The following PCDHGA2 variants were observed in gnomAD, a reference collection of about 807,000 sequenced individuals.
PCDHGA2 encodes protocadherin gamma-A2.
Under a neutral mutation model 59.2 loss-of-function variants are expected in PCDHGA2, and 40 were observed. The ratio of observed to expected loss-of-function variants is 0.68; its 90% CI spans 0.52 to 0.88. PCDHGA2 has a LOEUF of 0.88. Among genes scored for constraint, PCDHGA2 ranks in the 40% least tolerant of loss-of-function variants. The probability of loss-of-function intolerance (pLI) is 0.00; values close to 1 mark genes in which losing one functional copy is unlikely to be tolerated. For synonymous variants in PCDHGA2, 560 were observed against 526.0 expected, an observed-to-expected ratio of 1.06 and a Z score of -0.89; for missense variants, 1,226 against 1,204.0, an observed-to-expected ratio of 1.02 and a Z score of -0.27.
chr5:141,379,623 A>G (rs1775713746), intron 1 of PCDHGA2: 1 of 152,198 alleles, frequency 6.6e-6, no homozygotes, highest in African/African-American at 2.4e-5. Flanking sequence ...AACAAATAAA[A>G]TATTTCTCTG....
chr5:141,428,546 A>C (rs1476382847), intron 1 of PCDHGA2: 1 of 263,642 alleles, frequency 3.8e-6, no homozygotes, highest in Non-Finnish European at 7.5e-6. Flanking sequence ...ATGACACCAG[A>C]AACAGTCCCC....
chr5:141,489,091 T>C lies in PCDHGA2; in HGVS notation c.2425-5716T>C. 1 of 333,052 alleles carries C rather than the reference T, an allele frequency of 3.0e-6. No individual in the cohort carries two copies. The highest frequency in any genetic ancestry group is 5.5e-6 in the Non-Finnish European group (1 of 181,380). 20.6% of individuals were successfully genotyped at this position (333,052 alleles called of 1,614,324 possible). On this transcript the variant is annotated intron_variant, in intron 1 of 3. Coordinates refer to ENST00000394576, the MANE Select transcript of PCDHGA2 (RefSeq NM_018915.4). This position sits in a 1 kb window ranked among gnomAD's most constrained non-coding sequence, Gnocchi z 4.5. ...CTGCCCACCCCCGCCACTCGGTGAC[T>C]AAGAACTGCTGCAAGCAGGCAAACC...
At chr5:141,409,325 G>A (rs2095255437) in intron 1 of PCDHGA2, 1 of 1,613,984 alleles carries the variant, frequency 6.2e-7, no homozygotes, top group Non-Finnish European at 8.5e-7. Context: ...ACGGGATCTG[G>A]ATTTCGGAGG....
At chr5:141,478,251 T>C in intron 1 of PCDHGA2, 1 of 1,614,072 alleles carries the variant, frequency 6.2e-7, no homozygotes, top group Non-Finnish European at 8.5e-7. Context: ...GTGTTCGGAG[T>C]AATCATATTC....
chr5:141,500,444 C>T (rs1032064705), intron 2 of PCDHGA2, among the ~76,000 whole-genome samples: 3 of 151,370 alleles, frequency 2.0e-5, no homozygotes, highest in African/African-American at 4.9e-5. Context: ...CTCCTGACCT[C>T]GTGATCCGCC....
intron 1 of PCDHGA2, chr5:141,351,679 C>T (rs548473707): frequency 6.2e-7 from 1 of 1,613,994 alleles, no homozygotes; most frequent in Non-Finnish European, 8.5e-7. Context: ...TAAGCGCCTC[C>T]GACCCGGATT....
chr5:141,371,914 T>C (rs1768185765), intron 1 of PCDHGA2: 1 of 1,613,262 alleles, frequency 6.2e-7, no homozygotes, highest in Admixed American at 1.7e-5. Context: ...TACGTGTCCG[T>C]GAGCGCGCGG....
chr5:141,503,598 CAAAA>C (rs765754054), intron 2 of PCDHGA2, among the ~76,000 whole-genome samples: 2 of 65,756 alleles, frequency 3.0e-5, no homozygotes. Flanking sequence ...GACTCCAGCT[CAAAA>C]AAAAAAAAAA....
chr5:141,464,200 G>C (rs1331779739), intron 1 of PCDHGA2, among the ~76,000 whole-genome samples: 1 of 149,856 alleles, frequency 6.7e-6, no homozygotes, highest in Non-Finnish European at 1.5e-5. Flanking sequence ...AGGAGGCGGA[G>C]ATTGCAGTGA....
intron 1 of PCDHGA2, among the ~76,000 whole-genome samples, chr5:141,481,593 G>A (rs575017133): frequency 1.3e-5 from 2 of 152,172 alleles, no homozygotes; most frequent in African/African-American, 2.4e-5. Context: ...TGAGGCCAGC[G>A]GATCACCTGA....
intron 1 of PCDHGA2, chr5:141,394,299 C>G: frequency 6.2e-7 from 1 of 1,614,002 alleles, no homozygotes; most frequent in Middle Eastern, 1.6e-4. Context: ...CGAGGACACG[C>G]TGCAGGGGGC....
At chr5:141,418,874 G>A (rs2096295785) in intron 1 of PCDHGA2, 1 of 1,614,024 alleles carries the variant, frequency 6.2e-7, no homozygotes, top group East Asian at 2.2e-5. Context: ...AGAAGTTGTA[G>A]ACGAAAACGA....
chr5:141,372,821 C>T (rs1174181623), intron 1 of PCDHGA2: 2 of 1,566,320 alleles, frequency 1.3e-6, no homozygotes, highest in Non-Finnish European at 1.7e-6. Flanking sequence ...TGAGTTTCTT[C>T]AAACCTTTCC....
chr5:141,395,055 G>T, intron 1 of PCDHGA2: 1 of 1,614,178 alleles, frequency 6.2e-7, no homozygotes, highest in African/African-American at 1.3e-5. Context: ...GGAGGTACAG[G>T]CTTTCCTGCA....
At chr5:141,384,245 C>T (rs776707376) in intron 1 of PCDHGA2, 6 of 1,613,890 alleles carry the variant, frequency 3.7e-6, no homozygotes, top group Non-Finnish European at 5.1e-6. Context: ...AACGATAACC[C>T]ACCCACCTTC....
rs374140638 is a variant in PCDHGA2 at position 141,487,759 on chromosome 5, C to T, written c.2425-7048C>T. ...TTGTAAGAGGTAACTATGTGGTAGA[C>T]GCTGTGCTTTGTAACTGTTTCGTGA... On this transcript the variant is annotated intron_variant, in intron 1 of 3. Transcript: ENST00000394576. The surrounding 1 kb of genome is among the most constrained non-coding windows in gnomAD (Gnocchi z 5.0). 45 of 1,546,278 alleles carry T rather than the reference C, an allele frequency of 2.9e-5. No individual in the cohort carries two copies. The highest frequency in any genetic ancestry group is 1.1e-4 in the African/African-American group (8 of 73,160).
At position 141,356,330 on chromosome 5, in the gene PCDHGA2, G is replaced by A. The variant is rs1191042860; in HGVS notation, c.2424+14935G>A. On this transcript the variant is annotated intron_variant, in intron 1 of 3. Coordinates refer to ENST00000394576, the MANE Select transcript of PCDHGA2 (RefSeq NM_018915.4). ...TTCAACGTGCATGACAGTGACTCAG[G>A]AGGAAATGGCCTAGTCACATGTTCT... 5 of 1,554,374 alleles carry A rather than the reference G, an allele frequency of 3.2e-6. No individual in the cohort carries two copies. In the South Asian group the frequency reaches 3.5e-5, roughly 11 times the overall value.
chr5:141,424,434 T>C (rs2096821185), intron 1 of PCDHGA2: 1 of 151,048 alleles, frequency 6.6e-6, no homozygotes, highest in Admixed American at 6.6e-5. Flanking sequence ...GAGGAAATAA[T>C]TGAATTATTG....
chr5:141,511,486 TC>T lies in PCDHGA2; in HGVS notation c.*315del. The T allele has an allele frequency of 2.2e-6, 1 of 449,906 alleles. No homozygotes were observed. 27.9% of individuals were successfully genotyped at this position (449,906 alleles called of 1,614,324 possible). A position where few individuals can be genotyped will look rare whatever the true frequency, so the allele number is the denominator to read the frequency against. On this transcript the variant is annotated 3_prime_UTR_variant, in exon 4 of 4. Transcript: ENST00000394576. ...CCCCGTTTAGTTACAGCTGAACTCC[TC>T]CATCTTCCAAATCAATCAGGCCCAT...
Sources: allele counts gnomAD v4.1 joint callset (sites outside exome capture counted in the v4.1 genomes callset), GRCh38; gene constraint gnomAD v4.1.1; non-coding constraint Gnocchi (gnomAD v3.1); transcripts MANE v1.5; gene names NCBI Gene and HGNC (gene_info 2026-07-23, HGNC 2026-07-21).